The following NAA15 variants were observed in gnomAD, a reference collection of about 807,000 sequenced individuals.
The protein encoded by NAA15 is N-alpha-acetyltransferase 15, NatA auxiliary subunit, also known as N-terminal acetyltransferase.
In NAA15, 34 loss-of-function variants were observed where a neutral mutation model predicts 114.0. The ratio of observed to expected loss-of-function variants is 0.30; its 90% CI spans 0.23 to 0.40. The LOEUF is 0.40. NAA15 is among the 10% of genes least tolerant of loss of function. The probability of loss-of-function intolerance (pLI) is 1.00; values close to 1 mark genes in which losing one functional copy is unlikely to be tolerated. For missense variants in NAA15, 658 were observed against 1,004.5 expected (o/e 0.66, Z 4.66); for synonymous variants, 340 against 338.0 (o/e 1.01, Z -0.06).
intron 2 of NAA15, 26 bp from the exon 3 acceptor site, chr4:139,336,822 C>A (rs200658584): frequency 1.5e-6 from 2 of 1,365,310 alleles, no homozygotes; most frequent in Non-Finnish European, 9.9e-7. Context: ...TAAAATGTTC[C>A]TTTTCTTCTT....
intron 16 of NAA15, among the ~76,000 whole-genome samples, chr4:139,377,571 A>G (rs915737681): frequency 6.6e-6 from 1 of 152,110 alleles, no homozygotes; most frequent in Non-Finnish European, 1.5e-5. Flanking sequence ...TCAAAAGTAA[A>G]TGATGTTGGG....
chr4:139,378,268 G>C (rs1374908552), intron 16 of NAA15, among the ~76,000 whole-genome samples: 1 of 152,162 alleles, frequency 6.6e-6, no homozygotes, highest in Non-Finnish European at 1.5e-5. Context: ...CATAGGGAAA[G>C]ATCAGAGAAT....
intron 1 of NAA15, among the ~76,000 whole-genome samples, chr4:139,330,658 A>G (rs1746970322): frequency 6.6e-6 from 1 of 152,166 alleles, no homozygotes; most frequent in Non-Finnish European, 1.5e-5. Flanking sequence ...CTTGGTGCAG[A>G]ATACATTTTG....
chr4:139,311,291 T>G lies in NAA15; in HGVS notation c.54+9460T>G. On this transcript the variant is annotated intron_variant, in intron 1 of 19. Coordinates refer to ENST00000296543, the MANE Select transcript of NAA15 (RefSeq NM_057175.5). ...CTGTTAATGGCTCTATTCACATTGG[T>G]TAAAATGATGTACCATAGTAGATGT... 1.3e-5 allele frequency among the ~76,000 whole-genome samples: 2 copies of G among 152,004 alleles called. 1 individual carries two copies. Among genetic ancestry groups the G allele is most frequent in the Non-Finnish European group, 2.9e-5 (2 of 68,014 alleles).
At chr4:139,347,408 G>A (rs912967149) in intron 6 of NAA15, among the ~76,000 whole-genome samples, 2 of 151,994 alleles carry the variant, frequency 1.3e-5, no homozygotes, top group African/African-American at 4.8e-5. Flanking sequence ...GAGACCAGAG[G>A]ATCACTTGAG....
chr4:139,380,635 C>T (rs565322359), intron 17 of NAA15, among the ~76,000 whole-genome samples: 36 of 152,260 alleles, frequency 2.4e-4, no homozygotes, highest in African/African-American at 7.9e-4. Flanking sequence ...AGTATCTATA[C>T]TGGCTATACC....
intron 15 of NAA15, among the ~76,000 whole-genome samples, chr4:139,371,237 G>C (rs1311219701): frequency 6.6e-6 from 1 of 152,024 alleles, no homozygotes; most frequent in Non-Finnish European, 1.5e-5. Flanking sequence ...AAATAGAGTT[G>C]GAGAATATGT....
chr4:139,345,200 A>G (rs1459522912), intron 6 of NAA15, among the ~76,000 whole-genome samples: 1 of 152,224 alleles, frequency 6.6e-6, no homozygotes, highest in East Asian at 1.9e-4. Context: ...GGTACTGATA[A>G]GAAAAACTGG....
At position 139,390,384 on chromosome 4, in the gene NAA15, A is replaced by G. The variant is rs894328817; in HGVS notation, c.*2300A>G. ...CCAGACATCACCCCTGAAACACTGT[A>G]CTGTACTATCTTGCTCTGAGTAGTA... On this transcript the variant is annotated 3_prime_UTR_variant, in exon 20 of 20. Coordinates refer to ENST00000296543, the MANE Select transcript of NAA15 (RefSeq NM_057175.5). 1 of 152,624 alleles carries G rather than the reference A, an allele frequency of 6.6e-6. No individual in the cohort carries two copies. Among genetic ancestry groups the G allele is most frequent in the Non-Finnish European group, 1.5e-5 (1 of 68,040 alleles). 9.5% of individuals were successfully genotyped at this position (152,624 alleles called of 1,614,324 possible).
At chr4:139,330,310 T>C (rs1746959416) in intron 1 of NAA15, among the ~76,000 whole-genome samples, 2 of 152,218 alleles carry the variant, frequency 1.3e-5, no homozygotes. Context: ...CTTTTAGGCT[T>C]TCTGCTAAGT....
chr4:139,389,104 A>C lies in NAA15; in HGVS notation c.*1020A>C, dbSNP rs1748981789. ...TTTTTCCACAGTGTCACAGGTTTGT[A>C]ATACTTGAAGCCCTACATTTCTAAG... is the stretch of plus-strand genomic sequence containing the variant. On this transcript the variant is annotated 3_prime_UTR_variant, in exon 20 of 20. Transcript: ENST00000296543. 6.6e-6 allele frequency: 1 copy of C among 152,550 alleles called. No individual in the cohort carries two copies. The highest frequency in any genetic ancestry group is 2.4e-5 in the African/African-American group (1 of 41,430). The allele number at this position is 152,550 out of a possible 1,614,324, so 9.4% of individuals were successfully genotyped here.
Position 139,391,193 on chromosome 4 carries a change from G to A in NAA15, c.*3109G>A, listed in dbSNP as rs1005923519. The A allele has an allele frequency of 6.6e-6, 1 of 152,142 alleles. No homozygotes were observed. The highest frequency in any genetic ancestry group is 6.5e-5 in the Admixed American group (1 of 15,286). The allele number at this position is 152,142 out of a possible 1,614,324, so 9.4% of individuals were successfully genotyped here. A position where few individuals can be genotyped will look rare whatever the true frequency, so the allele number is the denominator to read the frequency against. ...TCTAGCTAATGCCCCACTTCTTTAA[G>A]TTATAAACAAAGTTTCATGATACCA... On this transcript the variant is annotated 3_prime_UTR_variant, in exon 20 of 20. Transcript: ENST00000296543.
intron 10 of NAA15, among the ~76,000 whole-genome samples, chr4:139,355,209 C>T (rs1334346832): frequency 1.3e-5 from 2 of 152,114 alleles, no homozygotes; most frequent in Non-Finnish European, 2.9e-5. Flanking sequence ...AATAACTATT[C>T]AGTCCATGTT....
At chr4:139,341,593 CA>C (rs751688160) in intron 4 of NAA15, among the ~76,000 whole-genome samples, 252 of 14,412 alleles carry the variant, frequency 0.017, no homozygotes, top group African/African-American at 0.031. Context: ...AACTCTGTCT[CA>C]AAAAAAAAAA....
rs114667227 is a variant in NAA15, at chr4:139,372,227, T to C, written c.1947+1823T>C. Among the ~76,000 whole-genome samples the C allele has an allele frequency of 6.3e-3, 964 of 152,300 alleles. 8 individuals are homozygous for C. Among genetic ancestry groups the C allele is most frequent in the African/African-American group, 0.022 (931 of 41,570 alleles). The stretch of plus-strand genomic sequence containing the variant: ...CACTGCGCCTGGCCCATGTATTTCT[T>C]AAGGAGAGGATCTCTTTTGATTATT... On this transcript the variant is annotated intron_variant, in intron 15 of 19. Coordinates refer to ENST00000296543, the MANE Select transcript of NAA15 (RefSeq NM_057175.5).
At chr4:139,320,666 G>A (rs1367945276) in intron 1 of NAA15, among the ~76,000 whole-genome samples, 1 of 152,054 alleles carries the variant, frequency 6.6e-6, no homozygotes, top group African/African-American at 2.4e-5. Flanking sequence ...GACTACAGGC[G>A]CATGCCACCA....
At chr4:139,385,308 T>TATATATATTATATAA (rs1489273737) in intron 18 of NAA15, among the ~76,000 whole-genome samples, 1 of 91,864 alleles carries the variant, frequency 1.1e-5, no homozygotes, top group African/African-American at 3.9e-5. Context: ...ATAATATATA[T>TATATATATTATATAA]TATATATATA....
rs143347233 is a variant in NAA15 at position 139,343,840 on chromosome 4, C to A, written c.538-346C>A. On this transcript the variant is annotated intron_variant, in intron 5 of 19. Coordinates refer to ENST00000296543, the MANE Select transcript of NAA15 (RefSeq NM_057175.5). ...TAGCATTCATTGATTATGATTCTTGCCTGAATCAGTATTACTATGATAGTC... is the reference window on the plus strand; with the variant it reads ...TAGCATTCATTGATTATGATTCTTGACTGAATCAGTATTACTATGATAGTC... Among the ~76,000 whole-genome samples, 810 of 152,280 alleles carry A rather than the reference C, an allele frequency of 5.3e-3. 12 individuals carry two copies. Among genetic ancestry groups the A allele is most frequent in the African/African-American group, 0.019 (775 of 41,576 alleles).
intron 17 of NAA15, 23 bp downstream of exon 17, chr4:139,378,877 TTAAG>T (rs1363215441): frequency 7.0e-7 from 1 of 1,420,408 alleles, no homozygotes; most frequent in South Asian, 1.3e-5. Context: ...TTTCCATTAC[TTAAG>T]TATTTGATAC....
Sources: allele counts gnomAD v4.1 joint callset (sites outside exome capture counted in the v4.1 genomes callset), GRCh38; gene constraint gnomAD v4.1.1; transcripts MANE v1.5; gene names NCBI Gene and HGNC (gene_info 2026-07-23, HGNC 2026-07-21).